EYS: variants seen among roughly 807,000 people sequenced by gnomAD.
The protein encoded by EYS is protein eyes shut homolog.
Under a neutral mutation model 282.1 loss-of-function variants are expected in EYS, and 250 were observed. The observed-to-expected ratio is 0.89, with a 90% CI of 0.80 to 0.98. EYS has a LOEUF of 0.98. EYS is among the 50% of genes least tolerant of loss of function. The pLI is 0.00. For synonymous variants in EYS, 1,355 were observed against 1,282.9 expected, an observed-to-expected ratio of 1.06 and a Z score of -1.20; for missense variants, 4,016 against 3,709.0, an observed-to-expected ratio of 1.08 and a Z score of -2.15.
intron 1 of EYS, among the ~76,000 whole-genome samples, chr6:65,654,257 T>C (rs893187906): frequency 3.3e-5 from 5 of 151,836 alleles, no homozygotes; most frequent in African/African-American, 1.2e-4. Context: ...ATTCATAGTA[T>C]ATGTGTCACT....
At chr6:64,199,973 A>G (rs914620067) in intron 31 of EYS, among the ~76,000 whole-genome samples, 1 of 152,202 alleles carries the variant, frequency 6.6e-6, no homozygotes, top group Non-Finnish European at 1.5e-5. Context: ...TGATGTACTA[A>G]GACAAGGAAA....
At chr6:65,674,450 CAAAAAAA>C (rs56958605) in intron 1 of EYS, among the ~76,000 whole-genome samples, 1 of 34,770 alleles carries the variant, frequency 2.9e-5, no homozygotes, top group Non-Finnish European at 5.1e-5. Context: ...GACTCCGTCT[CAAAAAAA>C]AAAAAAAAAA....
intron 1 of EYS, among the ~76,000 whole-genome samples, chr6:65,675,899 T>C (rs1768570607): frequency 6.6e-6 from 1 of 151,860 alleles, no homozygotes; most frequent in Non-Finnish European, 1.5e-5. Flanking sequence ...CAAGTATCTT[T>C]CTTGCACACA....
chr6:65,240,674 C>T (rs1173479931), intron 12 of EYS, among the ~76,000 whole-genome samples: 1 of 152,056 alleles, frequency 6.6e-6, no homozygotes, highest in African/African-American at 2.4e-5. Context: ...TTTTTTTATC[C>T]AGTCTACCAT....
rs374867057 is a variant in EYS, at chr6:65,490,685, A to C, written c.771T>G (p.Ile257Met). The change falls in exon 5 of 43, where the codon ATT becomes ATG. Residue 257 changes from isoleucine to methionine, a missense_variant. Coordinates refer to ENST00000503581, the MANE Select transcript of EYS (RefSeq NM_001142800.2). ...AACAGACATGTGGTTGACACTGGCC[A>C]ATTATTTCTGAGCAATTCTTTCCTA... ...PFTGKNCSEIIGQCQPHVCFH... is the reference protein window; with the variant it reads ...PFTGKNCSEIMGQCQPHVCFH... 1.9e-6 allele frequency: 3 copies of C among 1,611,648 alleles called. No homozygotes were observed. Among genetic ancestry groups the C allele is most frequent in the Non-Finnish European group, 2.5e-6 (3 of 1,178,210 alleles).
intron 41 of EYS, among the ~76,000 whole-genome samples, chr6:63,761,656 A>G (rs1337097765): frequency 3.3e-5 from 5 of 152,002 alleles, no homozygotes; most frequent in Non-Finnish European, 7.4e-5. Flanking sequence ...TTTTTATCCC[A>G]GCCTCTGTTT....
chr6:65,473,714 G>A (rs1413656640), intron 5 of EYS, among the ~76,000 whole-genome samples: 1 of 151,862 alleles, frequency 6.6e-6, no homozygotes, highest in African/African-American at 2.4e-5. Context: ...AAAGTTAAAT[G>A]TTTTGGACAA....
chr6:64,002,480 AAC>A (rs1158366329), intron 33 of EYS, among the ~76,000 whole-genome samples: 1 of 152,224 alleles, frequency 6.6e-6, no homozygotes, highest in Non-Finnish European at 1.5e-5. Context: ...AGCACACTGT[AAC>A]ACATGCCCAC....
chr6:65,401,392 ATTTG>A (rs1766488191), intron 7 of EYS, among the ~76,000 whole-genome samples: 1 of 149,518 alleles, frequency 6.7e-6, no homozygotes, highest in Middle Eastern at 3.5e-3. Context: ...GAGGAGATGT[ATTTG>A]TTTTTTTTTT....
At chr6:64,419,200 T>C (rs1774150719) in intron 28 of EYS, among the ~76,000 whole-genome samples, 1 of 152,232 alleles carries the variant, frequency 6.6e-6, no homozygotes, top group African/African-American at 2.4e-5. Context: ...GGGTAATTTA[T>C]AAAGGAAAAA....
chr6:65,074,949 T>C (rs193302205), intron 12 of EYS, among the ~76,000 whole-genome samples: 19 of 152,172 alleles, frequency 1.2e-4, no homozygotes, highest in Admixed American at 8.5e-4. Flanking sequence ...GTTTCGGTAA[T>C]TTTTAACAGA....
At chr6:63,826,793 T>A (rs11756687) in intron 36 of EYS, among the ~76,000 whole-genome samples, 17,357 of 144,788 alleles carry the variant, frequency 0.12, 1,242 homozygotes, top group African/African-American at 0.19. Flanking sequence ...ACAGAACCTC[T>A]TTAAAGCATA....
intron 28 of EYS, among the ~76,000 whole-genome samples, chr6:64,434,824 T>A (rs1299789617): frequency 2.0e-5 from 3 of 152,092 alleles, no homozygotes; most frequent in African/African-American, 7.2e-5. Context: ...TATGATTTTT[T>A]AAAAATGTAT....
chr6:65,391,326 T>C (rs1051621739), intron 7 of EYS, among the ~76,000 whole-genome samples: 6 of 152,268 alleles, frequency 3.9e-5, no homozygotes, highest in Admixed American at 3.9e-4. Context: ...AATAGTTATA[T>C]AGTTTATGAC....
chr6:64,195,554 C>T (rs1765260150), intron 31 of EYS, among the ~76,000 whole-genome samples: 1 of 152,166 alleles, frequency 6.6e-6, no homozygotes. Flanking sequence ...GCCCCTCGAC[C>T]TCCCAAAGTG....
intron 37 of EYS, among the ~76,000 whole-genome samples, chr6:63,802,186 T>A (rs2149676989): frequency 6.6e-6 from 1 of 152,324 alleles, no homozygotes; most frequent in East Asian, 1.9e-4. Flanking sequence ...TGATGAATAA[T>A]CCCTATATAT....
chr6:64,215,948 T>C (rs1765915002), intron 31 of EYS, among the ~76,000 whole-genome samples: 1 of 152,166 alleles, frequency 6.6e-6, no homozygotes, highest in African/African-American at 2.4e-5. Context: ...TAAGAAATAC[T>C]GTTCCACATG....
chr6:65,577,544 GAC>G (rs942831751), intron 2 of EYS, among the ~76,000 whole-genome samples: 1 of 151,616 alleles, frequency 6.6e-6, no homozygotes, highest in African/African-American at 2.4e-5. Context: ...TAACCCCAAA[GAC>G]ACAGACAACA....
At chr6:63,794,303 A>G (rs1460161312) in intron 37 of EYS, among the ~76,000 whole-genome samples, 1 of 152,160 alleles carries the variant, frequency 6.6e-6, no homozygotes, top group African/African-American at 2.4e-5. Context: ...CCCATTTTAT[A>G]AAGTCTGGGA....
Sources: gnomAD v4.1 joint callset for allele counts (sites outside exome capture counted in the v4.1 genomes callset) on GRCh38, gnomAD v4.1.1 for gene constraint, MANE v1.5 for transcripts, NCBI Gene and HGNC (gene_info 2026-07-23, HGNC 2026-07-21) for gene names.